The following RELN variants were observed in gnomAD, a reference collection of about 807,000 sequenced individuals.
The protein encoded by RELN is reelin.
RELN carries 108 observed loss-of-function variants against 427.6 expected under a neutral mutation model. That is an observed-to-expected ratio of 0.25 (90% CI 0.22 to 0.30). RELN has a LOEUF of 0.30. Among genes scored for constraint, RELN ranks in the 10% least tolerant of loss-of-function variants. The probability of loss-of-function intolerance (pLI) is 1.00; values close to 1 mark genes in which losing one functional copy is unlikely to be tolerated. For missense variants in RELN, 3,715 were observed against 4,302.8 expected (o/e 0.86, Z 3.82); for synonymous variants, 1,524 against 1,513.4 (o/e 1.01, Z -0.16).
chr7:103,885,064 G>T (rs1378809753), intron 2 of RELN, among the ~76,000 whole-genome samples: 2 of 152,132 alleles, frequency 1.3e-5, no homozygotes, highest in African/African-American at 4.8e-5. Context: ...GGATAGGCAG[G>T]CATAGTGGCT....
intron 1 of RELN, among the ~76,000 whole-genome samples, chr7:103,969,791 C>T (rs1171840056): frequency 1.3e-5 from 2 of 152,136 alleles, no homozygotes; most frequent in African/African-American, 2.4e-5. Flanking sequence ...TTACTATGGA[C>T]CAAACATATA....
intron 46 of RELN, among the ~76,000 whole-genome samples, chr7:103,527,297 C>T (rs981144684): frequency 3.3e-5 from 5 of 152,182 alleles, no homozygotes; most frequent in Admixed American, 6.5e-5. Context: ...ATATCTTTTA[C>T]TTCGAAAGAG....
chr7:103,785,657 C>G (rs918711194), intron 3 of RELN, among the ~76,000 whole-genome samples: 7 of 152,024 alleles, frequency 4.6e-5, no homozygotes, highest in Non-Finnish European at 1.0e-4. Context: ...TGTGGGTTTG[C>G]ACCACAGCTC....
chr7:103,892,811 G>A (rs1466515567), intron 2 of RELN, among the ~76,000 whole-genome samples: 1 of 152,070 alleles, frequency 6.6e-6, no homozygotes, highest in Non-Finnish European at 1.5e-5. Flanking sequence ...CTGAAACTAG[G>A]ATCACTGTAG....
intron 63 of RELN, among the ~76,000 whole-genome samples, chr7:103,479,390 C>G (rs558274635): frequency 1.1e-4 from 16 of 152,274 alleles, no homozygotes; most frequent in Non-Finnish European, 1.8e-4. Flanking sequence ...TGTCAATGAT[C>G]GTGTTATGCC....
chr7:103,609,034 C>A (rs1399312682), intron 22 of RELN, among the ~76,000 whole-genome samples: 4 of 151,864 alleles, frequency 2.6e-5, no homozygotes, highest in Non-Finnish European at 4.4e-5. Flanking sequence ...ACCAGCCTGG[C>A]CAACATGACA....
At chr7:103,538,280 C>T (rs1168641123) in intron 45 of RELN, among the ~76,000 whole-genome samples, 2 of 152,170 alleles carry the variant, frequency 1.3e-5, no homozygotes, top group African/African-American at 4.8e-5. Context: ...GAATCTAAAA[C>T]TGAACGGGGA....
At chr7:103,742,054 C>A (rs1790677489) in intron 6 of RELN, among the ~76,000 whole-genome samples, 1 of 152,110 alleles carries the variant, frequency 6.6e-6, no homozygotes. Context: ...GCCAGGTACT[C>A]CTCTGAGACA....
At chr7:103,482,996 G>T (rs767013304) in intron 62 of RELN, 25 bp from the exon 63 acceptor site, 9 of 1,595,212 alleles carry the variant, frequency 5.6e-6, no homozygotes, top group East Asian at 2.2e-5. Context: ...GAAGGACAAA[G>T]AAGTTATACA....
chr7:103,827,638 G>C (rs1793175037), intron 3 of RELN, among the ~76,000 whole-genome samples: 1 of 151,938 alleles, frequency 6.6e-6, no homozygotes, highest in Non-Finnish European at 1.5e-5. Context: ...TAAATGTGAT[G>C]AAAAACAGGG....
chr7:103,596,702 G>A, intron 24 of RELN, 41 bp from the exon 25 acceptor site: 1 of 1,566,730 alleles, frequency 6.4e-7, no homozygotes, highest in South Asian at 1.1e-5. Context: ...TAATCTGGGA[G>A]TTCTTTGGCA....
At chr7:103,720,173 TTG>T (rs72036005) in intron 8 of RELN, among the ~76,000 whole-genome samples, 7,942 of 145,088 alleles carry the variant, frequency 0.055, 241 homozygotes, top group African/African-American at 0.078. Context: ...TGTATAAACA[TTG>T]TGTGTGTGTG....
chr7:103,866,129 G>T (rs1006476295), intron 2 of RELN, among the ~76,000 whole-genome samples: 7 of 152,148 alleles, frequency 4.6e-5, no homozygotes, highest in Admixed American at 1.3e-4. Context: ...ACAAAAGCAA[G>T]AATTATTATT....
intron 3 of RELN, among the ~76,000 whole-genome samples, chr7:103,825,752 G>A (rs1793122390): frequency 6.6e-6 from 1 of 152,098 alleles, no homozygotes; most frequent in African/African-American, 2.4e-5. Flanking sequence ...AACTCAAAAT[G>A]TGGCTGGTAC....
rs769003126 is a variant in RELN, at chr7:103,620,476, T to A, written c.2703-8673A>T. ...TTGAAGATAACTCACCCGATCCACA[T>A]TTTTTTTTTTTTTTTGAGATAGAGT... On this transcript the variant is annotated intron_variant, in intron 20 of 64. Coordinates refer to ENST00000428762, the MANE Select transcript of RELN (RefSeq NM_005045.4). The surrounding 1 kb of genome is among the most constrained non-coding windows in gnomAD (Gnocchi z 4.1). Among the ~76,000 whole-genome samples, 5 of 12,006 alleles carry A rather than the reference T, an allele frequency of 4.2e-4. No homozygotes were observed. In the East Asian group the frequency reaches 0.012, roughly 28 times the overall value. The allele number at this position is 12,006 out of a possible 152,430, so 7.9% of individuals were successfully genotyped here. A position where few individuals can be genotyped will look rare whatever the true frequency, so the allele number is the denominator to read the frequency against.
chr7:103,875,447 A>G (rs567201418), intron 2 of RELN, among the ~76,000 whole-genome samples: 2 of 152,282 alleles, frequency 1.3e-5, no homozygotes, highest in South Asian at 2.1e-4. Context: ...GTATATGAAT[A>G]TATTTTTGAC....
intron 3 of RELN, among the ~76,000 whole-genome samples, chr7:103,810,324 C>A (rs1005041313): frequency 6.6e-6 from 1 of 152,128 alleles, no homozygotes; most frequent in East Asian, 1.9e-4. Context: ...TCCTCCCATC[C>A]TTTTGTCACT....
intron 1 of RELN, among the ~76,000 whole-genome samples, chr7:103,937,516 G>A (rs1460913057): frequency 2.0e-5 from 3 of 152,186 alleles, no homozygotes; most frequent in Non-Finnish European, 4.4e-5. Context: ...AGGATGATGT[G>A]ATCTTGAAGG....
chr7:103,721,327 A>G (rs1790070320), intron 8 of RELN, among the ~76,000 whole-genome samples: 1 of 151,276 alleles, frequency 6.6e-6, no homozygotes, highest in Admixed American at 6.6e-5. Flanking sequence ...CCGTGCTTTA[A>G]ATAATATAAG....
Sources: gnomAD v4.1 joint callset for allele counts (sites outside exome capture counted in the v4.1 genomes callset) on GRCh38, gnomAD v4.1.1 for gene constraint, Gnocchi (gnomAD v3.1) non-coding constraint, MANE v1.5 for transcripts, NCBI Gene and HGNC (gene_info 2026-07-23, HGNC 2026-07-21) for gene names.